The following PAPPA variants were observed in gnomAD, a reference collection of about 807,000 sequenced individuals.
PAPPA encodes the protein pappalysin 1, also known as pappalysin-1.
A neutral mutation model predicts 164.0 loss-of-function variants in PAPPA; 60 were observed. The observed-to-expected ratio is 0.37, with a 90% CI of 0.30 to 0.45. The LOEUF (loss-of-function observed/expected upper bound fraction) is 0.45. Ranked by LOEUF, PAPPA falls within the 20% of genes least tolerant of loss-of-function variation. The pLI is 1.00. For synonymous variants in PAPPA, 875 were observed against 814.1 expected (o/e 1.07, Z -1.27); for missense variants, 1,782 against 2,087.3 (o/e 0.85, Z 2.85).
At chr9:116,167,179 G>C (rs970348964) in intron 1 of PAPPA, among the ~76,000 whole-genome samples, 2 of 152,092 alleles carry the variant, frequency 1.3e-5, no homozygotes, top group African/African-American at 4.8e-5. Context: ...CAGGGGATTG[G>C]TTCGAGGACC....
At chr9:116,320,891 G>A (rs1845846329) in intron 10 of PAPPA, among the ~76,000 whole-genome samples, 1 of 152,164 alleles carries the variant, frequency 6.6e-6, no homozygotes, top group African/African-American at 2.4e-5. Flanking sequence ...ATGAAGAGAA[G>A]ATCTCAGGTA....
At chr9:116,164,959 T>C (rs1843704802) in intron 1 of PAPPA, among the ~76,000 whole-genome samples, 1 of 152,200 alleles carries the variant, frequency 6.6e-6, no homozygotes, top group Non-Finnish European at 1.5e-5. Context: ...ATTTATTTCA[T>C]AGATGAGGGA....
rs183674134 is a variant in PAPPA, at chr9:116,246,612, A to G, written c.2732+10975A>G. 1.1e-3 allele frequency among the ~76,000 whole-genome samples: 162 copies of G among 152,292 alleles called. 1 individual carries two copies. The highest frequency in any genetic ancestry group is 3.9e-3 in the African/African-American group (160 of 41,558). On this transcript the variant is annotated intron_variant, in intron 7 of 21. Coordinates refer to ENST00000328252, the MANE Select transcript of PAPPA (RefSeq NM_002581.5). ...CATGAATAAACTTGAGTGGAAAGAA[A>G]CTTCCTGGCATGCAAGACTATTGGT...
intron 9 of PAPPA, 149 bp from the exon 10 acceptor site, chr9:116,302,608 A>G (rs1845592495): frequency 9.2e-6 from 5 of 540,984 alleles, no homozygotes; most frequent in Non-Finnish European, 1.6e-5. Flanking sequence ...TTTTTTTTTC[A>G]AGACTGAGTA....
intron 6 of PAPPA, among the ~76,000 whole-genome samples, chr9:116,233,155 T>G (rs771380395): frequency 6.6e-6 from 1 of 152,248 alleles, no homozygotes; most frequent in Non-Finnish European, 1.5e-5. Context: ...ATCTGCTATG[T>G]GAATACTCTA....
At chr9:116,319,159 A>G (rs1021258590) in intron 10 of PAPPA, among the ~76,000 whole-genome samples, 4 of 152,302 alleles carry the variant, frequency 2.6e-5, no homozygotes, top group South Asian at 2.1e-4. Flanking sequence ...AGTGAATGGC[A>G]TAATTAGGGA....
intron 9 of PAPPA, among the ~76,000 whole-genome samples, chr9:116,289,737 T>C (rs76502839): frequency 0.1 from 15,313 of 152,198 alleles, 837 homozygotes; most frequent in South Asian, 0.16. Flanking sequence ...TATGTACTAG[T>C]ATCTGACTGC....
intron 10 of PAPPA, among the ~76,000 whole-genome samples, chr9:116,317,040 A>G (rs1845795558): frequency 6.6e-6 from 1 of 152,144 alleles, no homozygotes; most frequent in African/African-American, 2.4e-5. Context: ...TTGTACTTCA[A>G]TTTCAACACA....
intron 20 of PAPPA, among the ~76,000 whole-genome samples, chr9:116,379,232 T>C (rs1436025294): frequency 6.6e-6 from 1 of 152,214 alleles, no homozygotes; most frequent in African/African-American, 2.4e-5. Context: ...CTGTCCTCTT[T>C]AGCTTTGTTC....
At chr9:116,341,966 C>T (rs1367781440) in intron 13 of PAPPA, among the ~76,000 whole-genome samples, 4 of 152,180 alleles carry the variant, frequency 2.6e-5, no homozygotes, top group Non-Finnish European at 5.9e-5. Context: ...CCCCAGAAAA[C>T]GAAGCATTTC....
At chr9:116,319,255 G>A (rs1182459147) in intron 10 of PAPPA, among the ~76,000 whole-genome samples, 1 of 152,202 alleles carries the variant, frequency 6.6e-6, no homozygotes, top group African/African-American at 2.4e-5. Context: ...CACAAAAGGC[G>A]GCCGCCACAT....
rs74904276 is a variant in PAPPA, at chr9:116,190,482, G to A, written c.1478+2266G>A. On this transcript the variant is annotated intron_variant, in intron 2 of 21. Coordinates refer to ENST00000328252, the MANE Select transcript of PAPPA (RefSeq NM_002581.5). ...ACCTAAGCTCAATCTGCTAATAAAT[G>A]GATAGCTTGGATTCAAACTCAAGAC... Among the ~76,000 whole-genome samples, 951 of 152,302 alleles carry A rather than the reference G, an allele frequency of 6.2e-3. 35 individuals are homozygous for A. In the East Asian group the frequency reaches 0.11, roughly 17 times the overall value.
chr9:116,211,537 T>C (rs2118684804), intron 3 of PAPPA, 102 bp from the exon 4 acceptor site: 1 of 991,284 alleles, frequency 1.0e-6, no homozygotes, highest in South Asian at 1.5e-5. Flanking sequence ...GAAGCTTGTG[T>C]TTATTTTGGG....
Position 116,211,655 on chromosome 9 carries a change from C to T in PAPPA, c.1641C>T (p.Asn547=). ...CCCTTACAGGTGGCATTGTCTTGAA[C>T]CCATCTTTCTATGGCATGCCTGGGC... is the stretch of plus-strand genomic sequence containing the variant. The part of the protein sequence containing the change: ...ALMHLGGIVL[N]PSFYGMPGHT... The change falls in exon 4 of 22, where the codon AAC becomes AAT. Residue 547 remains asparagine (N), a synonymous_variant. Coordinates refer to ENST00000328252, the MANE Select transcript of PAPPA (RefSeq NM_002581.5). 1 of 1,614,040 alleles carries T rather than the reference C, an allele frequency of 6.2e-7. No individual in the cohort carries two copies. Among genetic ancestry groups the T allele is most frequent in the Non-Finnish European group, 8.5e-7 (1 of 1,179,956 alleles).
intron 7 of PAPPA, among the ~76,000 whole-genome samples, chr9:116,246,349 G>T (rs1350121337): frequency 6.6e-6 from 1 of 152,106 alleles, no homozygotes; most frequent in African/African-American, 2.4e-5. Flanking sequence ...GACTATTTGT[G>T]TTATTATACA....
At chr9:116,376,283 T>A (rs1213297171) in intron 19 of PAPPA, among the ~76,000 whole-genome samples, 2 of 152,220 alleles carry the variant, frequency 1.3e-5, no homozygotes, top group Non-Finnish European at 2.9e-5. Context: ...CCTCCCAAAG[T>A]GCTGAGATTA....
rs1314998218 is a variant in PAPPA, at chr9:116,159,972, G to C, written c.415+5385G>C. ...ATTTGGTCCAGCACTTCCCATTCCT[G>C]GCTGCACCTGGAATAACCAGCTTTT... On this transcript the variant is annotated intron_variant, in intron 1 of 21. Coordinates refer to ENST00000328252, the MANE Select transcript of PAPPA (RefSeq NM_002581.5). Among the ~76,000 whole-genome samples, 3 of 152,148 alleles carry C rather than the reference G, an allele frequency of 2.0e-5. No individual in the cohort carries two copies. The East Asian group carries it at 5.8e-4, about 29-fold the overall frequency.
intron 1 of PAPPA, among the ~76,000 whole-genome samples, chr9:116,170,787 A>C (rs1215463492): frequency 1.3e-5 from 2 of 151,846 alleles, no homozygotes; most frequent in African/African-American, 4.8e-5. Flanking sequence ...CCATTCTTGG[A>C]TAAATGTAAT....
chr9:116,310,815 C>T (rs558729112), intron 10 of PAPPA, among the ~76,000 whole-genome samples: 5 of 152,188 alleles, frequency 3.3e-5, no homozygotes, highest in African/African-American at 9.6e-5. Flanking sequence ...TTCTAGAGTC[C>T]ACCACTTACT....
Sources: gnomAD v4.1 joint callset for allele counts (sites outside exome capture counted in the v4.1 genomes callset) on GRCh38, gnomAD v4.1.1 for gene constraint, MANE v1.5 for transcripts, NCBI Gene and HGNC (gene_info 2026-07-23, HGNC 2026-07-21) for gene names.